FZD3: variants seen among roughly 807,000 people sequenced by gnomAD.
FZD3 encodes the protein frizzled-3.
Under a neutral mutation model 60.7 loss-of-function variants are expected in FZD3, and 30 were observed. The ratio of observed to expected loss-of-function variants is 0.49; its 90% CI spans 0.37 to 0.67. FZD3 has a LOEUF of 0.67. FZD3 is among the 30% of genes least tolerant of loss of function. The pLI is 0.00. For synonymous variants in FZD3, 246 were observed against 275.2 expected, an observed-to-expected ratio of 0.89 and a Z score of 1.05; for missense variants, 605 against 838.7, an observed-to-expected ratio of 0.72 and a Z score of 3.44.
intron 2 of FZD3, among the ~76,000 whole-genome samples, chr8:28,500,730 A>G (rs1038142017): frequency 6.6e-6 from 1 of 152,130 alleles, no homozygotes; most frequent in African/African-American, 2.4e-5. Context: ...GGTAATTAAG[A>G]TAAATATGTT....
At chr8:28,508,134 A>G (rs777871011) in intron 3 of FZD3, among the ~76,000 whole-genome samples, 4 of 152,150 alleles carry the variant, frequency 2.6e-5, no homozygotes, top group Non-Finnish European at 4.4e-5. Flanking sequence ...GCCTGAAGCT[A>G]TCCTCCTGCC....
At position 28,568,892 on chromosome 8, in the gene FZD3, C is replaced by G. The variant is rs1457531110; in HGVS notation, c.*5881C>G. The G allele has an allele frequency of 1.3e-5, 2 of 152,032 alleles. No homozygotes were observed. Among genetic ancestry groups the G allele is most frequent in the African/African-American group, 2.4e-5 (1 of 41,430 alleles). The allele number at this position is 152,032 out of a possible 1,614,324, so 9.4% of individuals were successfully genotyped here. On this transcript the variant is annotated 3_prime_UTR_variant, in exon 8 of 8. Coordinates refer to ENST00000240093, the MANE Select transcript of FZD3 (RefSeq NM_017412.4). ...TGTTGGTGTGAAAGCGTTGCTTATA[C>G]TTTATGCTCATTTTATTGGTCACTG...
Position 28,503,009 on chromosome 8 carries a change from G to GA in FZD3, c.-3dup, listed in dbSNP as rs1585942244. On this transcript the variant is annotated 5_prime_UTR_variant, in exon 3 of 8. Coordinates refer to ENST00000240093, the MANE Select transcript of FZD3 (RefSeq NM_017412.4). ...TCATCTGAATCTCCTTCAGACCCAG[G>GA]AAGGATGGCTATGACTTGGATTGTC... The GA allele has an allele frequency of 6.2e-7, 1 of 1,608,878 alleles. No individual in the cohort carries two copies. The highest frequency in any genetic ancestry group is 2.2e-5 in the East Asian group (1 of 44,786).
At chr8:28,506,243 G>A (rs1307618057) in intron 3 of FZD3, among the ~76,000 whole-genome samples, 1 of 152,182 alleles carries the variant, frequency 6.6e-6, no homozygotes, top group Non-Finnish European at 1.5e-5. Context: ...AACCAAATTG[G>A]CTAGGACGGG....
rs1453982988 is a variant in FZD3, at chr8:28,570,894, T to C, written c.*7883T>C. On this transcript the variant is annotated 3_prime_UTR_variant, in exon 8 of 8. Transcript: ENST00000240093. ...TATACTGGTTTCTGGTGTGATTCTT[T>C]AGCTACATTTATTCCTTGTCTTATG... is the stretch of plus-strand genomic sequence containing the variant. The C allele has an allele frequency of 6.7e-6, 1 of 148,868 alleles. No individual in the cohort carries two copies. The highest frequency in any genetic ancestry group is 1.5e-5 in the Non-Finnish European group (1 of 68,000). The allele number at this position is 148,868 out of a possible 1,614,324, so 9.2% of individuals were successfully genotyped here.
rs1227374523 is a variant in FZD3, at chr8:28,573,093, A to G, written c.*10082A>G. On this transcript the variant is annotated 3_prime_UTR_variant, in exon 8 of 8. Transcript: ENST00000240093. ...TTGCTTGGTACACTTCTTCCTAGGCAATATGCTCATGATACCCTCTTCATG... is the reference window on the plus strand; with the variant it reads ...TTGCTTGGTACACTTCTTCCTAGGCGATATGCTCATGATACCCTCTTCATG... 1 of 152,094 alleles carries G rather than the reference A, an allele frequency of 6.6e-6. No homozygotes were observed. The highest frequency in any genetic ancestry group is 6.6e-5 in the Admixed American group (1 of 15,258). 9.4% of individuals were successfully genotyped at this position (152,094 alleles called of 1,614,324 possible).
At position 28,527,549 on chromosome 8, in the gene FZD3, C is replaced by A; in HGVS notation, c.789C>A (p.Ala263=). The change falls in exon 5 of 8, where the codon GCC becomes GCA. Residue 263 remains alanine (A), a synonymous_variant. Coordinates refer to ENST00000240093, the MANE Select transcript of FZD3 (RefSeq NM_017412.4). This position sits in a 1 kb window ranked among gnomAD's most constrained non-coding sequence, Gnocchi z 5.0. ...FIGFLLEDRV[A]CNASIPAQYK... is the part of the protein sequence containing the mutation. Reference sequence around the variant, plus strand: ...GATTTTTGCTTGAAGATCGAGTAGCCTGCAATGCATCCATCCCTGCACAAT... The same window carrying A: ...GATTTTTGCTTGAAGATCGAGTAGCATGCAATGCATCCATCCCTGCACAAT... The A allele has an allele frequency of 6.2e-7, 1 of 1,614,018 alleles. No individual in the cohort carries two copies. The highest frequency in any genetic ancestry group is 8.5e-7 in the Non-Finnish European group (1 of 1,179,926).
In FZD3 at chr8:28,563,026, G is replaced by A. The variant is rs1307166454; in HGVS notation, c.*15G>A. ...CCAGTGCTTAATTTGTCTTGTCTAA[G>A]GTGGAAATCTTGTGCTGTTTAAAAA... On this transcript the variant is annotated 3_prime_UTR_variant, in exon 8 of 8. Transcript: ENST00000240093. The A allele has an allele frequency of 6.4e-7, 1 of 1,569,354 alleles. No individual in the cohort carries two copies. Among genetic ancestry groups the A allele is most frequent in the Admixed American group, 1.7e-5 (1 of 59,950 alleles).
chr8:28,503,457 T>C (rs1234335504), intron 3 of FZD3, among the ~76,000 whole-genome samples: 1 of 152,188 alleles, frequency 6.6e-6, no homozygotes, highest in East Asian at 1.9e-4. Flanking sequence ...ACATGGGAGA[T>C]AGCAGCCATT....
chr8:28,515,560 G>A (rs1010615147), intron 3 of FZD3, among the ~76,000 whole-genome samples: 1 of 152,222 alleles, frequency 6.6e-6, no homozygotes, highest in Non-Finnish European at 1.5e-5. Flanking sequence ...TTGGGAAGGG[G>A]CTGCATGTAC....
At position 28,527,024 on chromosome 8, in the gene FZD3, A is replaced by T; in HGVS notation, c.387-123A>T. 3 of 830,670 alleles carry T rather than the reference A, an allele frequency of 3.6e-6. No individual in the cohort carries two copies. Among genetic ancestry groups the T allele is most frequent in the Non-Finnish European group, 5.7e-6 (3 of 521,958 alleles). The allele number at this position is 830,670 out of a possible 1,614,324, so 51.5% of individuals were successfully genotyped here. A position where few individuals can be genotyped will look rare whatever the true frequency, so the allele number is the denominator to read the frequency against. On this transcript the variant is annotated intron_variant, in intron 4 of 7. Transcript: ENST00000240093. The surrounding 1 kb of genome is among the most constrained non-coding windows in gnomAD (Gnocchi z 5.0). Reference sequence around the variant, plus strand: ...ATATCACCATTTACTTTATTTCTACATATTACATTTGCTCTCCAGGAATAA... The same window carrying T: ...ATATCACCATTTACTTTATTTCTACTTATTACATTTGCTCTCCAGGAATAA...
Position 28,507,236 on chromosome 8 carries a change from G to A in FZD3, c.189+4034G>A, listed in dbSNP as rs185962933. 2.0e-5 allele frequency among the ~76,000 whole-genome samples: 3 copies of A among 151,922 alleles called. No homozygotes were observed. In the East Asian group the frequency reaches 5.8e-4, roughly 29 times the overall value. On this transcript the variant is annotated intron_variant, in intron 3 of 7. Coordinates refer to ENST00000240093, the MANE Select transcript of FZD3 (RefSeq NM_017412.4). ...TCTCTTAAGTCTGTTTTAATTTATA[G>A]GTTTTCCTTTCCTGTTCCCCTTTTT...
chr8:28,559,639 G>A (rs1440840799), intron 7 of FZD3, among the ~76,000 whole-genome samples: 2 of 152,188 alleles, frequency 1.3e-5, no homozygotes, highest in East Asian at 3.9e-4. Context: ...AATACTGTAG[G>A]ACTCTTGGCT....
chr8:28,532,784 A>G (rs774614576), intron 5 of FZD3, among the ~76,000 whole-genome samples: 1 of 152,070 alleles, frequency 6.6e-6, no homozygotes, highest in Admixed American at 6.6e-5. Flanking sequence ...TTGTGTATGG[A>G]TTCTCTTAGA....
chr8:28,520,362 T>C lies in FZD3; in HGVS notation c.190-276T>C, dbSNP rs932899630. ...GATTTATTCTTTGTAAAATGGATAT[T>C]GTCAGTGGTTCTCAGCCCTGCTTCT... On this transcript the variant is annotated intron_variant, in intron 3 of 7. Transcript: ENST00000240093. Among the ~76,000 whole-genome samples, 61 of 152,170 alleles carry C rather than the reference T, an allele frequency of 4.0e-4. 1 individual carries two copies. The highest frequency in any genetic ancestry group is 2.6e-3 in the Admixed American group (40 of 15,268).
intron 3 of FZD3, among the ~76,000 whole-genome samples, chr8:28,507,469 T>C (rs1471654245): frequency 1.3e-5 from 2 of 152,204 alleles, no homozygotes; most frequent in Non-Finnish European, 2.9e-5. Flanking sequence ...GAGCACATAA[T>C]ATTAAGTTGT....
In FZD3 at chr8:28,520,643, C is replaced by T; in HGVS notation, c.195C>T (p.Phe65=). 1 of 1,557,844 alleles carries T rather than the reference C, an allele frequency of 6.4e-7. No individual in the cohort carries two copies. The highest frequency in any genetic ancestry group is 8.7e-7 in the Non-Finnish European group (1 of 1,147,332). The change falls in exon 4 of 8, where the codon TTC becomes TTT. Residue 65 remains phenylalanine (F), a synonymous_variant. Coordinates refer to ENST00000240093, the MANE Select transcript of FZD3 (RefSeq NM_017412.4). ...CAATTTTAACTTTTCCCTAGCCATTCCACCCTATGGTGAATCTGGATTGTT... is the reference window on the plus strand; with the variant it reads ...CAATTTTAACTTTTCCCTAGCCATTTCACCCTATGGTGAATCTGGATTGTT... ...QQTAALAMEP[F]HPMVNLDCSR...
At position 28,571,921 on chromosome 8, in the gene FZD3, T is replaced by G. The variant is rs1227538580; in HGVS notation, c.*8910T>G. The G allele has an allele frequency of 1.3e-5, 2 of 152,182 alleles. No homozygotes were observed. The highest frequency in any genetic ancestry group is 1.3e-4 in the Admixed American group (2 of 15,274). The allele number at this position is 152,182 out of a possible 1,614,324, so 9.4% of individuals were successfully genotyped here. A position where few individuals can be genotyped will look rare whatever the true frequency, so the allele number is the denominator to read the frequency against. ...TACCAAAAAAATACTTTTTTGTATT[T>G]TAATCTGATAGTGAATTTGGGGATT... On this transcript the variant is annotated 3_prime_UTR_variant, in exon 8 of 8. Transcript: ENST00000240093.
rs978073925 is a variant in FZD3 at position 28,565,320 on chromosome 8, C to T, written c.*2309C>T. Reference sequence around the variant, plus strand: ...AGGCAGGTCTGAATTCCCTCATAACCGACAATTAGTAAACATTTTCTCTGA... The same window carrying T: ...AGGCAGGTCTGAATTCCCTCATAACTGACAATTAGTAAACATTTTCTCTGA... On this transcript the variant is annotated 3_prime_UTR_variant, in exon 8 of 8. Transcript: ENST00000240093. 2.6e-5 allele frequency: 4 copies of T among 152,050 alleles called. No homozygotes were observed. Among genetic ancestry groups the T allele is most frequent in the Non-Finnish European group, 4.4e-5 (3 of 68,004 alleles). The allele number at this position is 152,050 out of a possible 1,614,324, so 9.4% of individuals were successfully genotyped here. A position where few individuals can be genotyped will look rare whatever the true frequency, so the allele number is the denominator to read the frequency against.
Sources: allele counts gnomAD v4.1 joint callset (sites outside exome capture counted in the v4.1 genomes callset), GRCh38; gene constraint gnomAD v4.1.1; non-coding constraint Gnocchi (gnomAD v3.1); transcripts MANE v1.5; gene names NCBI Gene and HGNC (gene_info 2026-07-23, HGNC 2026-07-21).